UVRAG: variants seen among roughly 807,000 people sequenced by gnomAD.
The protein encoded by UVRAG is UV radiation resistance-associated gene protein.
A neutral mutation model predicts 78.0 loss-of-function variants in UVRAG; 19 were observed. The ratio of observed to expected loss-of-function variants is 0.24; its 90% CI spans 0.17 to 0.36. UVRAG has a LOEUF of 0.36. Ranked by LOEUF, UVRAG falls within the 10% of genes least tolerant of loss-of-function variation. The pLI is 1.00. For synonymous variants in UVRAG, 323 were observed against 324.6 expected (o/e 1.00, Z 0.05); for missense variants, 740 against 853.8 (o/e 0.87, Z 1.66).
chr11:76,029,496 G>A (rs1482615907), intron 12 of UVRAG, among the ~76,000 whole-genome samples: 1 of 152,126 alleles, frequency 6.6e-6, no homozygotes. Context: ...ATGATTCATG[G>A]GAGGAGATAA....
At position 76,140,980 on chromosome 11, in the gene UVRAG, A is replaced by G; in HGVS notation, c.1667A>G (p.Asp556Gly). 3.1e-6 allele frequency: 5 copies of G among 1,614,038 alleles called. No individual in the cohort carries two copies. Among genetic ancestry groups the G allele is most frequent in the Non-Finnish European group, 4.2e-6 (5 of 1,180,012 alleles). The change falls in exon 15 of 15, where the codon GAC becomes GGC. Residue 556 changes from aspartate (D) to glycine (G), a missense_variant. Coordinates refer to ENST00000356136, the MANE Select transcript of UVRAG (RefSeq NM_003369.4). ...TCCTCCTCCTTGGATACCTCCTTGG[A>G]CTTCTCCAAAGAAAACAAGAAAAAA... ...SLSSSLDTSL[D>G]FSKENKKKGE...
intron 12 of UVRAG, among the ~76,000 whole-genome samples, chr11:76,017,801 A>G (rs1950176623): frequency 6.6e-6 from 1 of 152,186 alleles, no homozygotes; most frequent in African/African-American, 2.4e-5. Flanking sequence ...AATATTATTC[A>G]AAAGTACAGG....
chr11:76,128,481 ACTGTC>A (rs1235209164), intron 14 of UVRAG, among the ~76,000 whole-genome samples: 5 of 152,182 alleles, frequency 3.3e-5, no homozygotes, highest in African/African-American at 1.2e-4. Flanking sequence ...GATCGAATGC[ACTGTC>A]CTAAGTTTCA....
At chr11:75,858,435 C>G (rs1027228893) in intron 2 of UVRAG, among the ~76,000 whole-genome samples, 5 of 152,130 alleles carry the variant, frequency 3.3e-5, no homozygotes, top group Non-Finnish European at 7.4e-5. Flanking sequence ...GGTTCATAGA[C>G]AGCATCCCTG....
chr11:76,047,045 T>C (rs1277176287), intron 12 of UVRAG, among the ~76,000 whole-genome samples: 3 of 152,224 alleles, frequency 2.0e-5, no homozygotes, highest in African/African-American at 7.2e-5. Flanking sequence ...ACAATACAAT[T>C]CAGTGAACAT....
intron 6 of UVRAG, among the ~76,000 whole-genome samples, chr11:75,949,725 A>G (rs776134624): frequency 1.3e-4 from 19 of 148,332 alleles, no homozygotes; most frequent in Non-Finnish European, 2.5e-4. Flanking sequence ...ACACACACAC[A>G]CACACATATA....
chr11:76,027,259 C>T (rs1381453120), intron 12 of UVRAG, among the ~76,000 whole-genome samples: 1 of 152,082 alleles, frequency 6.6e-6, no homozygotes, highest in Non-Finnish European at 1.5e-5. Context: ...GCCTGAAATA[C>T]TCCCTTTTCC....
intron 12 of UVRAG, among the ~76,000 whole-genome samples, chr11:76,062,613 C>A (rs1490598712): frequency 2.0e-5 from 3 of 152,186 alleles, no homozygotes; most frequent in Non-Finnish European, 4.4e-5. Flanking sequence ...ATACTGACTT[C>A]TGTTCCCCTA....
Position 76,140,732 on chromosome 11 carries a change from T to C in UVRAG, c.1419T>C (p.Ser473=), listed in dbSNP as rs769996342. The change falls in exon 15 of 15, where the codon AGT becomes AGC. Residue 473 remains serine, a synonymous_variant. Transcript: ENST00000356136. Reference sequence around the variant, plus strand: ...CTAGTGACAGACATCACACCTCCAGTGCAATCCCTGTTCCTAAGAGACAAA... The same window carrying C: ...CTAGTGACAGACATCACACCTCCAGCGCAATCCCTGTTCCTAAGAGACAAA... The part of the protein sequence containing the change: ...MVRCDRHHTS[S]AIPVPKRQSS... 1 of 1,599,244 alleles carries C rather than the reference T, an allele frequency of 6.3e-7. No homozygotes were observed. The highest frequency in any genetic ancestry group is 8.5e-7 in the Non-Finnish European group (1 of 1,174,268).
intron 8 of UVRAG, among the ~76,000 whole-genome samples, chr11:76,001,452 AG>A (rs2135326446): frequency 6.6e-6 from 1 of 152,338 alleles, no homozygotes; most frequent in South Asian, 2.1e-4. Flanking sequence ...GAAATAATAA[AG>A]GCCACTAATC....
chr11:76,103,045 A>G (rs920130754), intron 13 of UVRAG, among the ~76,000 whole-genome samples: 6 of 152,032 alleles, frequency 3.9e-5, no homozygotes, highest in African/African-American at 1.4e-4. Flanking sequence ...GCCAGGGGCC[A>G]CTCTTTGCTA....
In UVRAG at chr11:76,141,082, C is replaced by T. The variant is rs1373283900; in HGVS notation, c.1769C>T (p.Ser590Phe). The T allele has an allele frequency of 8.7e-6, 14 of 1,614,074 alleles. No homozygotes were observed. The highest frequency in any genetic ancestry group is 1.6e-4 in the Middle Eastern group (1 of 6,084). ...HPSQEQGEAL[S>F]GHRATVNGTL... is the part of the protein sequence containing the mutation. ...AGCCAAGAACAAGGAGAAGCCCTCT[C>T]CGGGCACCGGGCCACAGTCAATGGC... The change falls in exon 15 of 15, where the codon TCC becomes TTC. Residue 590 changes from serine to phenylalanine, a missense_variant. Physicochemically the swap from Ser to Phe is radical, Grantham distance 155. Coordinates refer to ENST00000356136, the MANE Select transcript of UVRAG (RefSeq NM_003369.4).
chr11:75,823,413 A>G (rs909072727), intron 1 of UVRAG, among the ~76,000 whole-genome samples: 2 of 152,156 alleles, frequency 1.3e-5, no homozygotes, highest in African/African-American at 4.8e-5. Flanking sequence ...GGCTCATTTC[A>G]GCCTCTAACT....
At chr11:76,078,856 G>A (rs556163745) in intron 13 of UVRAG, among the ~76,000 whole-genome samples, 5 of 151,860 alleles carry the variant, frequency 3.3e-5, no homozygotes, top group Non-Finnish European at 7.4e-5. Context: ...GTGAACCCAG[G>A]AGGCGGAGCT....
At chr11:75,970,486 A>G (rs1949102104) in intron 7 of UVRAG, among the ~76,000 whole-genome samples, 2 of 152,208 alleles carry the variant, frequency 1.3e-5, no homozygotes, top group Admixed American at 1.3e-4. Context: ...TAATCCCAGC[A>G]CTTTGGGAGG....
At chr11:76,120,553 C>T (rs1179327856) in intron 14 of UVRAG, among the ~76,000 whole-genome samples, 1 of 152,122 alleles carries the variant, frequency 6.6e-6, no homozygotes, top group African/African-American at 2.4e-5. Flanking sequence ...GGCACTGTTG[C>T]AGCAAACCCA....
Position 75,880,053 on chromosome 11 carries a change from CTG to C in UVRAG, c.432+15_432+16del, listed in dbSNP as rs769673069. On this transcript the variant is annotated intron_variant, in intron 4 of 14. Coordinates refer to ENST00000356136, the MANE Select transcript of UVRAG (RefSeq NM_003369.4). The stretch of plus-strand genomic sequence containing the variant: ...CTTGGGTCAGCAGGTAATTTTTAGA[CTG>C]TAGTTTCAAGTAGTTGTCATCTCCA... The C allele has an allele frequency of 3.5e-5, 56 of 1,613,108 alleles. No homozygotes were observed. In the Middle Eastern group the frequency reaches 8.3e-4, roughly 24 times the overall value.
intron 6 of UVRAG, chr11:75,914,500 T>G (rs765114503): frequency 6.6e-6 from 1 of 152,202 alleles, no homozygotes; most frequent in Non-Finnish European, 1.5e-5. Flanking sequence ...GTCTCCTGAT[T>G]CTGTTTTTTT....
At chr11:75,921,078 G>C (rs374938156) in intron 6 of UVRAG, among the ~76,000 whole-genome samples, 3 of 152,092 alleles carry the variant, frequency 2.0e-5, no homozygotes, top group African/African-American at 7.2e-5. Context: ...TGATGATTTT[G>C]TTTCCATGGA....
Sources: allele counts gnomAD v4.1 joint callset (sites outside exome capture counted in the v4.1 genomes callset), GRCh38; gene constraint gnomAD v4.1.1; transcripts MANE v1.5; gene names NCBI Gene and HGNC (gene_info 2026-07-23, HGNC 2026-07-21).